BTAF1: variants seen among roughly 807,000 people sequenced by gnomAD.
The protein encoded by BTAF1 is B-TFIID TATA-box binding protein associated factor 1.
Under a neutral mutation model 227.1 loss-of-function variants are expected in BTAF1, and 38 were observed. That is an observed-to-expected ratio of 0.17 (90% CI 0.13 to 0.22). The LOEUF (loss-of-function observed/expected upper bound fraction) is 0.22. Among genes scored for constraint, BTAF1 ranks in the 10% least tolerant of loss-of-function variants. The probability of loss-of-function intolerance (pLI) is 1.00; values close to 1 mark genes in which losing one functional copy is unlikely to be tolerated. For missense variants in BTAF1, 1,598 were observed against 2,204.0 expected, an observed-to-expected ratio of 0.73 and a Z score of 5.51; for synonymous variants, 742 against 751.9, an observed-to-expected ratio of 0.99 and a Z score of 0.21.
intron 35 of BTAF1, 136 bp downstream of exon 35, chr10:92,025,103 C>G: frequency 1.4e-6 from 1 of 714,492 alleles, no homozygotes; most frequent in Admixed American, 2.9e-5. Context: ...CCAAATAAAC[C>G]CCTTTTTAAC....
intron 23 of BTAF1, among the ~76,000 whole-genome samples, chr10:91,995,573 G>A (rs1365165890): frequency 2.0e-5 from 3 of 152,026 alleles, no homozygotes; most frequent in African/African-American, 7.2e-5. Context: ...GTACTTGGGA[G>A]GCTGAGGCAG....
intron 25 of BTAF1, among the ~76,000 whole-genome samples, chr10:92,004,889 A>G (rs571033384): frequency 1.4e-4 from 21 of 152,248 alleles, no homozygotes; most frequent in Admixed American, 1.1e-3. Context: ...CCAGTCTTAC[A>G]TTTAATTTTT....
At chr10:92,028,419 T>C (rs1188683803) in intron 37 of BTAF1, among the ~76,000 whole-genome samples, 1 of 152,198 alleles carries the variant, frequency 6.6e-6, no homozygotes, top group Non-Finnish European at 1.5e-5. Flanking sequence ...TAGGAATACA[T>C]GCTGATTCCT....
At chr10:91,972,134 C>T (rs1292450461) in intron 14 of BTAF1, among the ~76,000 whole-genome samples, 2 of 152,142 alleles carry the variant, frequency 1.3e-5, no homozygotes, top group African/African-American at 4.8e-5. Flanking sequence ...GGGACCATAG[C>T]CTCAGTTACT....
At chr10:91,982,262 A>G (rs1230736338) in intron 17 of BTAF1, 37 bp downstream of exon 17, 1 of 1,613,152 alleles carries the variant, frequency 6.2e-7, no homozygotes, top group Non-Finnish European at 8.5e-7. Flanking sequence ...TCATACATTT[A>G]CAAGTCTGGC....
chr10:91,956,606 T>C lies in BTAF1; in HGVS notation c.780T>C (p.Asp260=). ...ANVVINQSAN[D]SKVLIDNIPD... Reference sequence around the variant, plus strand: ...TTGTTATTAATCAGTCTGCAAATGATTCCAAAGTCTTGATTGATAATATTC... The same window carrying C: ...TTGTTATTAATCAGTCTGCAAATGACTCCAAAGTCTTGATTGATAATATTC... The change falls in exon 7 of 38, where the codon GAT becomes GAC. Residue 260 remains aspartate (D), a synonymous_variant. Coordinates refer to ENST00000265990, the MANE Select transcript of BTAF1 (RefSeq NM_003972.3). The C allele has an allele frequency of 1.2e-6, 2 of 1,609,522 alleles. No homozygotes were observed. Among genetic ancestry groups the C allele is most frequent in the Non-Finnish European group, 1.7e-6 (2 of 1,178,582 alleles).
At chr10:92,023,691 A>G (rs1027079647) in intron 34 of BTAF1, among the ~76,000 whole-genome samples, 16 of 152,148 alleles carry the variant, frequency 1.1e-4, no homozygotes, top group Non-Finnish European at 2.2e-4. Flanking sequence ...CTCTAAAAAA[A>G]AAGATCTTAG....
chr10:92,023,251 A>C (rs914349500), intron 34 of BTAF1, among the ~76,000 whole-genome samples: 4 of 152,176 alleles, frequency 2.6e-5, no homozygotes, highest in South Asian at 2.1e-4. Context: ...TGAGGAAAAC[A>C]GTGTCCTTTT....
At chr10:92,027,040 TA>T in intron 36 of BTAF1, 89 bp from the exon 37 acceptor site, 1 of 1,349,416 alleles carries the variant, frequency 7.4e-7, no homozygotes, top group Non-Finnish European at 1.0e-6. Flanking sequence ...TTAGGTAGTA[TA>T]AAATAGTACA....
At chr10:91,935,524 AAT>A in intron 1 of BTAF1, 131 bp from the exon 2 acceptor site, 1 of 911,458 alleles carries the variant, frequency 1.1e-6, no homozygotes, top group Non-Finnish European at 1.6e-6. Flanking sequence ...ATTTCACCAT[AAT>A]GTCTTTCCGG....
intron 5 of BTAF1, among the ~76,000 whole-genome samples, chr10:91,953,156 G>A (rs146105439): frequency 1.3e-5 from 2 of 152,110 alleles, no homozygotes; most frequent in Non-Finnish European, 2.9e-5. Flanking sequence ...AATTTCAGTT[G>A]AATCTTTTGG....
chr10:91,948,542 A>C (rs949894582), intron 4 of BTAF1, among the ~76,000 whole-genome samples: 2 of 151,050 alleles, frequency 1.3e-5, no homozygotes, highest in African/African-American at 4.9e-5. Context: ...ACGCCTGGCT[A>C]ATTTTTTATT....
At chr10:91,971,413 T>C (rs1363339675) in intron 14 of BTAF1, among the ~76,000 whole-genome samples, 1 of 152,116 alleles carries the variant, frequency 6.6e-6, no homozygotes, top group African/African-American at 2.4e-5. Context: ...ATACATGCTT[T>C]ACTATTTTTA....
At chr10:91,981,526 TA>T in intron 15 of BTAF1, 116 bp from the exon 16 acceptor site, 1 of 1,097,072 alleles carries the variant, frequency 9.1e-7, no homozygotes, top group Non-Finnish European at 1.2e-6. Flanking sequence ...ATTGAATTTC[TA>T]AATTAATCTC....
At chr10:91,942,704 G>GGGAT in intron 4 of BTAF1, 136 bp downstream of exon 4, 1 of 990,668 alleles carries the variant, frequency 1.0e-6, no homozygotes, top group Non-Finnish European at 1.4e-6. Flanking sequence ...CAGGTGGCGG[G>GGGAT]GGATGCTATG....
intron 4 of BTAF1, among the ~76,000 whole-genome samples, chr10:91,944,344 G>A (rs959015238): frequency 1.2e-4 from 19 of 152,082 alleles, no homozygotes; most frequent in Non-Finnish European, 2.8e-4. Flanking sequence ...ATATATTAAT[G>A]ACACCATATA....
intron 11 of BTAF1, among the ~76,000 whole-genome samples, chr10:91,961,112 A>G (rs568485553): frequency 6.6e-6 from 1 of 152,200 alleles, no homozygotes; most frequent in Non-Finnish European, 1.5e-5. Flanking sequence ...GACTTCCACA[A>G]ATAGTTGTCT....
intron 4 of BTAF1, among the ~76,000 whole-genome samples, chr10:91,943,651 A>G (rs1030390228): frequency 2.6e-5 from 4 of 152,150 alleles, no homozygotes; most frequent in Non-Finnish European, 5.9e-5. Context: ...TAAGAGGATA[A>G]TTTGCTTAAG....
At chr10:92,024,673 G>A (rs1043089105) in intron 34 of BTAF1, 83 bp from the exon 35 acceptor site, 1 of 1,180,958 alleles carries the variant, frequency 8.5e-7, no homozygotes, top group African/African-American at 1.5e-5. Flanking sequence ...ACCTTTTCTT[G>A]CCACAGAGAG....
Sources: gnomAD v4.1 joint callset for allele counts (sites outside exome capture counted in the v4.1 genomes callset) on GRCh38, gnomAD v4.1.1 for gene constraint, MANE v1.5 for transcripts, NCBI Gene and HGNC (gene_info 2026-07-23, HGNC 2026-07-21) for gene names.